Variants in MLLT10 observed in about 807,000 individuals in gnomAD.
The protein encoded by MLLT10 is MLLT10 histone lysine methyltransferase DOT1L cofactor, also known as protein AF-10.
A neutral mutation model predicts 129.1 loss-of-function variants in MLLT10; 30 were observed. The observed-to-expected ratio is 0.23, with a 90% confidence interval of 0.17 to 0.32. The LOEUF (loss-of-function observed/expected upper bound fraction) is 0.32, where lower values mean the gene tolerates loss of function less well. Ranked by LOEUF, MLLT10 falls within the 10% of genes least tolerant of loss-of-function variation. The pLI is 1.00. For synonymous variants in MLLT10, 490 were observed against 446.4 expected (o/e 1.10, Z -1.23); for missense variants, 1,119 against 1,268.3 (o/e 0.88, Z 1.79).
At chr10:21,704,026 T>TTTG in intron 13 of MLLT10, among the ~76,000 whole-genome samples, 1 of 137,092 alleles carries the variant, frequency 7.3e-6, no homozygotes, top group South Asian at 2.5e-4. Flanking sequence ...GTTTTTTTTT[T>TTTG]TTTTTTTTTT....
chr10:21,558,751 C>G (rs150813875), intron 3 of MLLT10, among the ~76,000 whole-genome samples: 461 of 152,138 alleles, frequency 3.0e-3, no homozygotes, highest in Non-Finnish European at 5.1e-3. Flanking sequence ...TGACACTATT[C>G]CTCTCAGTTC....
intron 22 of MLLT10, 65 bp downstream of exon 22, chr10:21,740,301 A>G (rs2058719337): frequency 2.6e-6 from 4 of 1,539,278 alleles, no homozygotes; most frequent in South Asian, 2.4e-5. Context: ...GGAGATGATC[A>G]TTTTCCAGCC....
chr10:21,622,206 GGGGTGCAGTGGCACCACCAT>G (rs1434419843), intron 8 of MLLT10, among the ~76,000 whole-genome samples: 3 of 143,542 alleles, frequency 2.1e-5, no homozygotes, highest in Admixed American at 7.2e-5. Flanking sequence ...TACGCAGGCT[GGGGTGCAGTGGCACCACCAT>G]AGCTCACTGC....
intron 14 of MLLT10, among the ~76,000 whole-genome samples, chr10:21,725,906 A>G (rs1589839717): frequency 1.3e-5 from 2 of 151,552 alleles, no homozygotes; most frequent in African/African-American, 4.8e-5. Flanking sequence ...GCCCGCCACC[A>G]TGCACGGCTA....
chr10:21,737,355 C>G (rs905744474), intron 21 of MLLT10, among the ~76,000 whole-genome samples: 1 of 152,094 alleles, frequency 6.6e-6, no homozygotes, highest in African/African-American at 2.4e-5. Flanking sequence ...GAAGGGGAAG[C>G]AGGAGGCAGA....
intron 4 of MLLT10, among the ~76,000 whole-genome samples, chr10:21,594,623 C>T (rs1475720089): frequency 6.8e-6 from 1 of 146,578 alleles, no homozygotes; most frequent in Non-Finnish European, 1.5e-5. Context: ...GGCAAATGTT[C>T]CCTGGGCAAA....
intron 13 of MLLT10, among the ~76,000 whole-genome samples, chr10:21,682,489 T>C (rs772195098): frequency 4.6e-5 from 7 of 152,238 alleles, no homozygotes; most frequent in Non-Finnish European, 7.3e-5. Flanking sequence ...GGCAAAATGA[T>C]AATAGTGTTT....
In MLLT10 at chr10:21,704,611, C is replaced by CTTT. The variant is rs35043348; in HGVS notation, c.1700-9148_1700-9146dup. Among the ~76,000 whole-genome samples the CTTT allele has an allele frequency of 9.4e-5, 12 of 128,176 alleles. No individual in the cohort carries two copies. In the South Asian group the frequency reaches 2.2e-3, roughly 24 times the overall value. The allele number at this position is 128,176 out of a possible 152,430, so 84.1% of individuals were successfully genotyped here. ...GCCCTTTGGAGGTGTCTCTCTCTCG[C>CTTT]TTTTTTTTTTTTTTTGGCTTTTTAA... On this transcript the variant is annotated intron_variant, in intron 13 of 22. Coordinates refer to ENST00000307729, the MANE Select transcript of MLLT10 (RefSeq NM_001195626.3).
chr10:21,553,203 T>C (rs1215907273), intron 3 of MLLT10, among the ~76,000 whole-genome samples: 1 of 152,172 alleles, frequency 6.6e-6, no homozygotes, highest in African/African-American at 2.4e-5. Flanking sequence ...CTATCTTACT[T>C]GATTGTTTGA....
intron 4 of MLLT10, among the ~76,000 whole-genome samples, chr10:21,587,259 A>C (rs554684022): frequency 1.3e-5 from 2 of 151,834 alleles, no homozygotes; most frequent in Non-Finnish European, 2.9e-5. Flanking sequence ...TAAAAAATAA[A>C]AATAAAAAGA....
At chr10:21,564,061 C>G (rs774064018) in intron 3 of MLLT10, among the ~76,000 whole-genome samples, 19 of 152,110 alleles carry the variant, frequency 1.2e-4, no homozygotes, top group Non-Finnish European at 1.3e-4. Context: ...ATCCACCCGC[C>G]TTGGCCTCCC....
chr10:21,637,195 T>G (rs1445171130), intron 8 of MLLT10, among the ~76,000 whole-genome samples: 2 of 152,172 alleles, frequency 1.3e-5, no homozygotes, highest in Non-Finnish European at 2.9e-5. Flanking sequence ...AAAAGCATAA[T>G]GAGGCCTGTG....
chr10:21,534,436 C>CGGTGGAGGGGA lies in MLLT10; in HGVS notation c.-79_-69dup. 3.3e-6 allele frequency: 1 copy of CGGTGGAGGGGA among 301,370 alleles called. No individual in the cohort carries two copies. Among genetic ancestry groups the CGGTGGAGGGGA allele is most frequent in the Non-Finnish European group, 6.2e-6 (1 of 160,590 alleles). The allele number at this position is 301,370 out of a possible 1,614,324, so 18.7% of individuals were successfully genotyped here. A position where few individuals can be genotyped will look rare whatever the true frequency, so the allele number is the denominator to read the frequency against. ...GAGGAGGAGGAGGAGGCGGAGGAGGCGGTGGAGGGGAGGTGGGGGGAATCA... is the reference window on the plus strand; with the variant it reads ...GAGGAGGAGGAGGAGGCGGAGGAGGCGGTGGAGGGGAGGTGGAGGGGAGGTGGGGGGAATCA... On this transcript the variant is annotated 5_prime_UTR_variant, in exon 1 of 23. Transcript: ENST00000307729.
chr10:21,588,937 C>T (rs1271872578), intron 4 of MLLT10, among the ~76,000 whole-genome samples: 1 of 151,734 alleles, frequency 6.6e-6, no homozygotes, highest in Non-Finnish European at 1.5e-5. Context: ...GACTCTCCTG[C>T]CTCACTCACC....
intron 3 of MLLT10, among the ~76,000 whole-genome samples, chr10:21,570,762 A>G (rs561272948): frequency 6.6e-6 from 1 of 152,216 alleles, no homozygotes; most frequent in South Asian, 2.1e-4. Context: ...ATGAAATATC[A>G]TCATAATTGT....
chr10:21,716,642 C>T (rs1016029600), intron 14 of MLLT10, among the ~76,000 whole-genome samples: 5 of 150,904 alleles, frequency 3.3e-5, no homozygotes, highest in African/African-American at 1.2e-4. Flanking sequence ...TGTAGTGAGC[C>T]GAGATCATGC....
chr10:21,612,236 G>A (rs2044732234), intron 5 of MLLT10, 112 bp from the exon 6 acceptor site: 1 of 563,628 alleles, frequency 1.8e-6, no homozygotes, highest in Non-Finnish European at 3.1e-6. Flanking sequence ...CATATTTTGA[G>A]TTAAGATAGG....
intron 8 of MLLT10, among the ~76,000 whole-genome samples, chr10:21,646,697 G>T (rs1273045681): frequency 1.3e-5 from 2 of 152,082 alleles, no homozygotes; most frequent in African/African-American, 4.8e-5. Flanking sequence ...TGAGAGTGAC[G>T]TTGGCTGTCT....
rs532935856 is a variant in MLLT10, at chr10:21,665,304, G to C, written c.796-5145G>C. ...TTGTTTGTTTGTTTGTTTTTTTTGGGGGGGGGGGGGTTTCACTCTTGTTGC... is the reference window on the plus strand; with the variant it reads ...TTGTTTGTTTGTTTGTTTTTTTTGGCGGGGGGGGGGTTTCACTCTTGTTGC... On this transcript the variant is annotated intron_variant, in intron 9 of 22. Coordinates refer to ENST00000307729, the MANE Select transcript of MLLT10 (RefSeq NM_001195626.3). Among the ~76,000 whole-genome samples, 141 of 75,518 alleles carry C rather than the reference G, an allele frequency of 1.9e-3. 3 individuals are homozygous for C. The highest frequency in any genetic ancestry group is 9.6e-3 in the Admixed American group (62 of 6,468). The allele number at this position is 75,518 out of a possible 152,430, so 49.5% of individuals were successfully genotyped here.
Sources: gnomAD v4.1 joint callset for allele counts (sites outside exome capture counted in the v4.1 genomes callset) on GRCh38, gnomAD v4.1.1 for gene constraint, MANE v1.5 for transcripts, NCBI Gene and HGNC (gene_info 2026-07-23, HGNC 2026-07-21) for gene names.